AHR: variants seen among roughly 807,000 people sequenced by gnomAD.
AHR encodes the protein AH-receptor.
In AHR, 40 loss-of-function variants were observed where a neutral mutation model predicts 86.8. That is an observed-to-expected ratio of 0.46 (90% CI 0.36 to 0.60). The LOEUF is 0.60. Among genes scored for constraint, AHR ranks in the 20% least tolerant of loss-of-function variants. The pLI is 0.00. For synonymous variants in AHR, 398 were observed against 354.9 expected, an observed-to-expected ratio of 1.12 and a Z score of -1.37; for missense variants, 1,001 against 1,011.6, an observed-to-expected ratio of 0.99 and a Z score of 0.14.
At chr7:17,340,769 T>C (rs1237671651) in intron 10 of AHR, among the ~76,000 whole-genome samples, 1 of 152,180 alleles carries the variant, frequency 6.6e-6, no homozygotes, top group Non-Finnish European at 1.5e-5. Flanking sequence ...GGCACCTCCA[T>C]GTTCTCTAGC....
intron 2 of AHR, among the ~76,000 whole-genome samples, chr7:17,317,150 C>G (rs1295686606): frequency 7.8e-6 from 1 of 128,808 alleles, no homozygotes; most frequent in Non-Finnish European, 1.6e-5. Flanking sequence ...GCATAAGGGC[C>G]TTTACGGACC....
At chr7:17,342,787 T>C in intron 10 of AHR, 134 bp from the exon 11 acceptor site, 1 of 781,376 alleles carries the variant, frequency 1.3e-6, no homozygotes, top group East Asian at 2.7e-5. Flanking sequence ...ATTTAAAATT[T>C]AGCAACAGTA....
chr7:17,339,625 A>C lies in AHR; in HGVS notation c.1800A>C (p.Gln600His). Residue 600 changes from glutamine to histidine, a missense_variant, in exon 10 of 11, where the codon CAA becomes CAC. Transcript: ENST00000242057. ...SKSPFIPSDY[Q>H]QQQSLALNSS... ...CTCCCTTCATACCTTCAGATTATCA[A>C]CAGCAACAGTCCTTGGCTCTGAACT... is the stretch of plus-strand genomic sequence containing the variant. The C allele has an allele frequency of 6.2e-7, 1 of 1,614,148 alleles. No homozygotes were observed. The highest frequency in any genetic ancestry group is 8.5e-7 in the Non-Finnish European group (1 of 1,180,038).
Position 17,335,758 on chromosome 7 carries a change from T to G in AHR, c.1132T>G (p.Tyr378Asp). The change falls in exon 9 of 11, where the codon TAT (tyrosine) becomes GAT (aspartate). Residue 378 changes from tyrosine (Y) to aspartate (D), a missense_variant. By Grantham distance (160) the Tyr-to-Asp change is radical. Transcript: ENST00000242057. ...RLLYKNGRPD[Y>D]IIVTQRPLTD... ...GCTTTATAAAAATGGAAGACCAGAT[T>G]ATATCATTGTAACTCAGAGACCACT... is the stretch of plus-strand genomic sequence containing the variant. 1 of 1,613,134 alleles carries G rather than the reference T, an allele frequency of 6.2e-7. No homozygotes were observed. The highest frequency in any genetic ancestry group is 8.5e-7 in the Non-Finnish European group (1 of 1,179,510).
chr7:17,340,337 C>A, intron 10 of AHR, 109 bp downstream of exon 10: 1 of 1,366,764 alleles, frequency 7.3e-7, no homozygotes, highest in Non-Finnish European at 9.6e-7. Context: ...CTACAGCATT[C>A]ATGGAGACAG....
intron 10 of AHR, among the ~76,000 whole-genome samples, chr7:17,340,740 T>A (rs1410482876): frequency 6.6e-6 from 1 of 152,188 alleles, no homozygotes; most frequent in African/African-American, 2.4e-5. Context: ...ATTAATTATA[T>A]CCCTGGAATT....
intron 2 of AHR, among the ~76,000 whole-genome samples, chr7:17,311,741 C>T (rs544183127): frequency 5.3e-5 from 8 of 152,242 alleles, no homozygotes; most frequent in Non-Finnish European, 1.0e-4. Context: ...AACCCTTCAT[C>T]TTGGGAGAAG....
chr7:17,343,023 G>A lies in AHR; in HGVS notation c.2506G>A (p.Ala836Thr). 6.2e-7 allele frequency: 1 copy of A among 1,613,836 alleles called. No homozygotes were observed. The highest frequency in any genetic ancestry group is 1.6e-4 in the Middle Eastern group (1 of 6,062). Residue 836 changes from alanine to threonine, a missense_variant, in exon 11 of 11, where the codon GCC becomes ACC. Physicochemically the swap from Ala to Thr is moderately conservative, Grantham distance 58 (BLOSUM62 0). Coordinates refer to ENST00000242057, the MANE Select transcript of AHR (RefSeq NM_001621.5). ...TCAGCCACTTCATCATCCGTCAGAA[G>A]CCAGACCTTTTCCTGATTTGACATC... ...HLQPLHHPSE[A>T]RPFPDLTSSG...
chr7:17,324,171 G>A (rs1458334127), intron 3 of AHR, among the ~76,000 whole-genome samples: 1 of 152,144 alleles, frequency 6.6e-6, no homozygotes, highest in Non-Finnish European at 1.5e-5. Flanking sequence ...CCCTTAAGAA[G>A]TTAAAATAAA....
At chr7:17,317,501 A>G (rs902180531) in intron 2 of AHR, among the ~76,000 whole-genome samples, 2 of 152,150 alleles carry the variant, frequency 1.3e-5, no homozygotes, top group Non-Finnish European at 2.9e-5. Context: ...GAAGTTCACA[A>G]TAATAACTGT....
At chr7:17,326,055 G>T (rs1782227140) in intron 3 of AHR, among the ~76,000 whole-genome samples, 1 of 152,134 alleles carries the variant, frequency 6.6e-6, no homozygotes, top group Non-Finnish European at 1.5e-5. Flanking sequence ...GAGCCAGACT[G>T]AATTTATCTC....
intron 10 of AHR, 51 bp downstream of exon 10, chr7:17,340,279 T>A (rs767993260): frequency 6.6e-7 from 1 of 1,522,318 alleles, no homozygotes; most frequent in South Asian, 1.3e-5. Context: ...CTTTTTACCT[T>A]ATAGACATGT....
At chr7:17,338,945 G>A (rs1233522521) in intron 9 of AHR, 41 bp from the exon 10 acceptor site, 1 of 1,489,418 alleles carries the variant, frequency 6.7e-7, no homozygotes, top group South Asian at 1.4e-5. Context: ...TAAAATGTTT[G>A]ATAGAATTTT....
chr7:17,340,121 G>T lies in AHR; in HGVS notation c.2296G>T (p.Ala766Ser). 2 of 1,614,156 alleles carry T rather than the reference G, an allele frequency of 1.2e-6. No homozygotes were observed. The highest frequency in any genetic ancestry group is 1.7e-6 in the Non-Finnish European group (2 of 1,180,028). ...CATAATAACTCCTCAGACATGTTAT[G>T]CTGGGGCCGTGTCGATGTATCAGTG... ...SAIITPQTCY[A>S]GAVSMYQCQP... The change falls in exon 10 of 11, where the codon GCT (alanine) becomes TCT (serine). Residue 766 changes from alanine (A) to serine (S), a missense_variant. Ala to Ser is a moderately conservative substitution (Grantham distance 99). Coordinates refer to ENST00000242057, the MANE Select transcript of AHR (RefSeq NM_001621.5).
intron 2 of AHR, among the ~76,000 whole-genome samples, chr7:17,310,431 T>C (rs1562475003): frequency 6.6e-6 from 1 of 152,014 alleles, no homozygotes; most frequent in African/African-American, 2.4e-5. Flanking sequence ...TTTAAAAGTC[T>C]TTTTTAAAAA....
intron 7 of AHR, among the ~76,000 whole-genome samples, 192 bp downstream of exon 7, chr7:17,334,306 G>T (rs1415673569): frequency 1.3e-5 from 2 of 151,862 alleles, no homozygotes; most frequent in Non-Finnish European, 2.9e-5. Context: ...TTTAATTTTT[G>T]CAATACTTGT....
chr7:17,298,745 G>T lies in AHR; in HGVS notation c.-520G>T. The T allele has an allele frequency of 2.5e-6, 1 of 397,768 alleles. No homozygotes were observed. Among genetic ancestry groups the T allele is most frequent in the South Asian group, 1.3e-4 (1 of 7,808 alleles). 24.6% of individuals were successfully genotyped at this position (397,768 alleles called of 1,614,324 possible). A position where few individuals can be genotyped will look rare whatever the true frequency, so the allele number is the denominator to read the frequency against. On this transcript the variant is annotated 5_prime_UTR_variant, in exon 1 of 11. Transcript: ENST00000242057. ...GCAGCCGTGTAGCCGAACGGAAGCT[G>T]GGAGCAGCCGGGACTGGTGGCCCGC...
intron 8 of AHR, among the ~76,000 whole-genome samples, chr7:17,335,420 A>G (rs1174808741): frequency 1.3e-5 from 2 of 152,094 alleles, no homozygotes; most frequent in East Asian, 3.8e-4. Context: ...CTGTGTTACT[A>G]GAATTGTTTG....
rs375293250 is a variant in AHR, at chr7:17,330,777, C to T, written c.596C>T (p.Thr199Ile). Residue 199 changes from threonine (T) to isoleucine (I), a missense_variant, in exon 6 of 11, where the codon ACA becomes ATA. Transcript: ENST00000242057. ...GIEEATGLPQ[T>I]VVCYNPDQIP... ...ACAGAAGCCACTGGTCTCCCCCAGACAGTAGTCTGTTATAACCCAGACCAG... is the reference window on the plus strand; with the variant it reads ...ACAGAAGCCACTGGTCTCCCCCAGATAGTAGTCTGTTATAACCCAGACCAG... 1 of 1,610,864 alleles carries T rather than the reference C, an allele frequency of 6.2e-7. No individual in the cohort carries two copies. Among genetic ancestry groups the T allele is most frequent in the Non-Finnish European group, 8.5e-7 (1 of 1,177,972 alleles).
Sources: gnomAD v4.1 joint callset for allele counts (sites outside exome capture counted in the v4.1 genomes callset) on GRCh38, gnomAD v4.1.1 for gene constraint, MANE v1.5 for transcripts, NCBI Gene and HGNC (gene_info 2026-07-23, HGNC 2026-07-21) for gene names.